Variants in CEP112 observed in about 807,000 individuals in gnomAD.
CEP112 encodes centrosomal protein 112, also known as centrosomal protein of 112 kDa.
In CEP112, 127 loss-of-function variants were observed where a neutral mutation model predicts 153.0. The ratio of observed to expected loss-of-function variants is 0.83; its 90% CI spans 0.72 to 0.96. The LOEUF (loss-of-function observed/expected upper bound fraction) is 0.96, where lower values mean the gene tolerates loss of function less well. CEP112 is among the 40% of genes least tolerant of loss of function. CEP112 has a pLI of 0.00. For synonymous variants in CEP112, 358 were observed against 374.4 expected, an observed-to-expected ratio of 0.96 and a Z score of 0.51; for missense variants, 1,089 against 1,101.2, an observed-to-expected ratio of 0.99 and a Z score of 0.16.
intron 8 of CEP112, among the ~76,000 whole-genome samples, 192 bp downstream of exon 8, chr17:66,096,059 T>C (rs1185994681): frequency 3.9e-5 from 6 of 152,054 alleles, no homozygotes; most frequent in Non-Finnish European, 7.4e-5. Context: ...AGACTCTATC[T>C]CTGGAAAAAC....
chr17:65,799,331 C>T (rs1389353431), intron 21 of CEP112, among the ~76,000 whole-genome samples: 2 of 152,172 alleles, frequency 1.3e-5, no homozygotes, highest in East Asian at 3.8e-4. Context: ...TAAGCTGGCA[C>T]CGGATCCTCT....
At chr17:66,109,463 T>C (rs894482621) in intron 6 of CEP112, among the ~76,000 whole-genome samples, 5 of 151,726 alleles carry the variant, frequency 3.3e-5, no homozygotes, top group African/African-American at 4.8e-5. Context: ...ACTTAAAGTA[T>C]AATAATAAAA....
intron 24 of CEP112, among the ~76,000 whole-genome samples, chr17:65,657,199 T>C (rs1219378666): frequency 1.3e-5 from 2 of 152,252 alleles, no homozygotes; most frequent in African/African-American, 2.4e-5. Flanking sequence ...CAATGACTCA[T>C]GCCTCTTTTC....
At position 66,173,910 on chromosome 17, in the gene CEP112, A is replaced by G. The variant is rs532981868; in HGVS notation, c.470+1134T>C. ...ACTGAAATAATTTTATATGGACTGGATCTCTCACTTTTATTTATCTTTTTC... is the reference window on the plus strand; with the variant it reads ...ACTGAAATAATTTTATATGGACTGGGTCTCTCACTTTTATTTATCTTTTTC... On this transcript the variant is annotated intron_variant, in intron 4 of 26. Coordinates refer to ENST00000535342, the MANE Select transcript of CEP112 (RefSeq NM_001199165.4). Among the ~76,000 whole-genome samples, 88 of 151,466 alleles carry G rather than the reference A, an allele frequency of 5.8e-4. 1 individual carries two copies. Among genetic ancestry groups the G allele is most frequent in the African/African-American group, 1.9e-3 (80 of 41,296 alleles).
intron 2 of CEP112, among the ~76,000 whole-genome samples, chr17:66,180,803 C>T (rs561267897): frequency 6.6e-6 from 1 of 152,062 alleles, no homozygotes; most frequent in Non-Finnish European, 1.5e-5. Context: ...CATAAATCTG[C>T]TCTAATCTTT....
At chr17:65,732,117 G>A (rs2050542501) in intron 23 of CEP112, among the ~76,000 whole-genome samples, 1 of 152,214 alleles carries the variant, frequency 6.6e-6, no homozygotes, top group Admixed American at 6.5e-5. Flanking sequence ...CTTATGAAGT[G>A]TATTTTTGAC....
chr17:66,069,849 G>T, intron 9 of CEP112, 66 bp downstream of exon 9: 3 of 854,246 alleles, frequency 3.5e-6, no homozygotes, highest in Non-Finnish European at 3.7e-6. Context: ...TAACTGGATG[G>T]ATCATCATAA....
intron 23 of CEP112, among the ~76,000 whole-genome samples, chr17:65,732,760 C>T (rs1452971310): frequency 2.6e-5 from 4 of 152,226 alleles, no homozygotes; most frequent in Non-Finnish European, 5.9e-5. Flanking sequence ...GACTTTTCTT[C>T]TGCAGCTTCC....
intron 21 of CEP112, among the ~76,000 whole-genome samples, chr17:65,842,060 A>T (rs1458904852): frequency 1.3e-5 from 2 of 152,042 alleles, no homozygotes; most frequent in Non-Finnish European, 2.9e-5. Context: ...CTTTTGCTGT[A>T]TTGATCTAAG....
At chr17:66,116,513 T>TA (rs1486538857) in intron 6 of CEP112, among the ~76,000 whole-genome samples, 1 of 152,232 alleles carries the variant, frequency 6.6e-6, no homozygotes, top group Non-Finnish European at 1.5e-5. Flanking sequence ...TGTCAAATTT[T>TA]ACCATGATTT....
At chr17:66,111,462 C>G (rs768388948) in intron 6 of CEP112, among the ~76,000 whole-genome samples, 11 of 152,104 alleles carry the variant, frequency 7.2e-5, no homozygotes, top group Non-Finnish European at 1.2e-4. Flanking sequence ...TAAATGCCCA[C>G]CAATGACGGA....
At chr17:66,128,846 T>G (rs2069987444) in intron 6 of CEP112, among the ~76,000 whole-genome samples, 1 of 152,112 alleles carries the variant, frequency 6.6e-6, no homozygotes. Context: ...TTAAATTGCA[T>G]ATAAGATAGC....
At chr17:65,926,055 T>C (rs532459465) in intron 19 of CEP112, among the ~76,000 whole-genome samples, 4 of 152,310 alleles carry the variant, frequency 2.6e-5, no homozygotes, top group African/African-American at 9.6e-5. Flanking sequence ...AACTTTGTAT[T>C]ACTAAGTAAG....
At chr17:65,813,684 A>G (rs561134622) in intron 21 of CEP112, among the ~76,000 whole-genome samples, 15 of 152,270 alleles carry the variant, frequency 9.9e-5, no homozygotes, top group African/African-American at 3.4e-4. Flanking sequence ...ATTAAAGTAG[A>G]TAAGGTGCGT....
At chr17:65,937,638 G>A (rs1447819789) in intron 18 of CEP112, among the ~76,000 whole-genome samples, 10 of 89,066 alleles carry the variant, frequency 1.1e-4, no homozygotes, top group South Asian at 1.5e-3. Flanking sequence ...CCCCCCGCCC[G>A]GCCAGCCGCC....
At chr17:66,106,983 G>A (rs1200677204) in intron 6 of CEP112, among the ~76,000 whole-genome samples, 1 of 152,132 alleles carries the variant, frequency 6.6e-6, no homozygotes, top group Non-Finnish European at 1.5e-5. Flanking sequence ...TGTAAGGATG[G>A]TTCAATATAG....
chr17:65,677,593 C>G (rs532678769), intron 24 of CEP112, among the ~76,000 whole-genome samples: 2 of 152,246 alleles, frequency 1.3e-5, no homozygotes, highest in South Asian at 4.2e-4. Flanking sequence ...CTAGTTTAAA[C>G]TGACGTACAT....
At chr17:65,868,274 C>T (rs369973363) in intron 20 of CEP112, among the ~76,000 whole-genome samples, 14 of 152,024 alleles carry the variant, frequency 9.2e-5, no homozygotes, top group Admixed American at 2.6e-4. Flanking sequence ...GCGAAGAAGA[C>T]GGATCAATTG....
intron 17 of CEP112, among the ~76,000 whole-genome samples, chr17:65,993,807 G>T (rs1467328573): frequency 6.6e-6 from 1 of 152,144 alleles, no homozygotes; most frequent in Non-Finnish European, 1.5e-5. Flanking sequence ...AGTGAAAATA[G>T]TGGCTGCTCT....
Sources: gnomAD v4.1 joint callset for allele counts (sites outside exome capture counted in the v4.1 genomes callset) on GRCh38, gnomAD v4.1.1 for gene constraint, MANE v1.5 for transcripts, NCBI Gene and HGNC (gene_info 2026-07-23, HGNC 2026-07-21) for gene names.